The following PIGN variants were observed in gnomAD, a reference collection of about 807,000 sequenced individuals.
PIGN encodes the protein phosphatidylinositol glycan anchor biosynthesis class N.
PIGN carries 117 observed loss-of-function variants against 125.4 expected under a neutral mutation model. The observed-to-expected ratio is 0.93, with a 90% CI of 0.80 to 1.09. The LOEUF (loss-of-function observed/expected upper bound fraction) is 1.09. Among genes scored for constraint, PIGN ranks in the 50% least tolerant of loss-of-function variants. The pLI is 0.00. For synonymous variants in PIGN, 392 were observed against 377.8 expected (o/e 1.04, Z -0.44); for missense variants, 1,075 against 1,094.9 (o/e 0.98, Z 0.26).
rs113310006 is a variant in PIGN, at chr18:62,128,936, G to T, written c.1172+9307C>A. Among the ~76,000 whole-genome samples, 293 of 152,200 alleles carry T rather than the reference G, an allele frequency of 1.9e-3. 1 individual carries two copies. Among genetic ancestry groups the T allele is most frequent in the African/African-American group, 6.5e-3 (268 of 41,532 alleles). ...AAATATTAAAATATAAGTATACAACGATGTTTCATTGGAAATGCAGATCTC... is the reference window on the plus strand; with the variant it reads ...AAATATTAAAATATAAGTATACAACTATGTTTCATTGGAAATGCAGATCTC... On this transcript the variant is annotated intron_variant, in intron 14 of 30. Coordinates refer to ENST00000640252, the MANE Select transcript of PIGN (RefSeq NM_176787.5).
At chr18:62,175,529 G>A (rs996890072) in intron 1 of PIGN, among the ~76,000 whole-genome samples, 2 of 152,024 alleles carry the variant, frequency 1.3e-5, no homozygotes, top group Non-Finnish European at 2.9e-5. Context: ...ATTGTTCCAA[G>A]AGTAATATCC....
At chr18:62,114,704 C>A in intron 14 of PIGN, 65 bp from the exon 15 acceptor site, 1 of 703,254 alleles carries the variant, frequency 1.4e-6, no homozygotes, top group South Asian at 2.9e-5. Context: ...TTCTTTTTTC[C>A]CCTTAATTAA....
chr18:62,038,946 T>C (rs564846785), downstream of PIGN, among the ~76,000 whole-genome samples: 1 of 147,472 alleles, frequency 6.8e-6, no homozygotes, highest in South Asian at 2.2e-4. Context: ...ATAATAATAA[T>C]AATAATAATA....
intron 23 of PIGN, among the ~76,000 whole-genome samples, chr18:62,018,272 C>T (rs1322907772): frequency 5.9e-5 from 9 of 152,128 alleles, no homozygotes; most frequent in Admixed American, 2.0e-4. Flanking sequence ...TGGGAATGGG[C>T]GAGATCAAGT....
intron 30 of PIGN, chr18:62,059,024 A>C (rs978354559): frequency 6.6e-6 from 1 of 151,994 alleles, no homozygotes; most frequent in Non-Finnish European, 1.5e-5. Context: ...CCTGTCTCTA[A>C]AAAATAAAAA....
In PIGN at chr18:62,148,649, G is replaced by C. The variant is rs10164266; in HGVS notation, c.550-311C>G. The stretch of plus-strand genomic sequence containing the variant: ...ACTTAATAAAATACAGCAGATTGAA[G>C]ACATATTTTGGCAAGAGTCAAAAAT... On this transcript the variant is annotated intron_variant, in intron 7 of 30. Coordinates refer to ENST00000640252, the MANE Select transcript of PIGN (RefSeq NM_176787.5). 0.52 allele frequency among the ~76,000 whole-genome samples: 78,931 copies of C among 151,958 alleles called. 22,551 individuals are homozygous for C. The highest frequency in any genetic ancestry group is 0.67 in the East Asian group (3,451 of 5,168).
rs185022348 is a variant in PIGN at position 62,138,989 on chromosome 18, C to G, written c.1110G>C (p.Gln370His). Reference protein sequence around the residue: ...MFTNAVQILEQFKVKMTQKKE... With the variant: ...MFTNAVQILEHFKVKMTQKKE... ...TTTTGAATTTTTTTTTTACCTTGAA[C>G]TGTTCAAGAATCTGTACTGCATTTG... The change falls in exon 13 of 31, where the codon CAG becomes CAC. Residue 370 changes from glutamine to histidine, a missense_variant. Around this residue, in one of 3 missense-constraint regions of PIGN, gnomAD observed 915 missense variants for 908.7 expected, o/e 1.01. Transcript: ENST00000640252. The G allele has an allele frequency of 2.1e-5, 33 of 1,589,630 alleles. No homozygotes were observed. The Admixed American group carries it at 4.4e-4, about 21-fold the overall frequency.
At chr18:62,100,174 T>C (rs1445532133) in intron 22 of PIGN, among the ~76,000 whole-genome samples, 1 of 152,190 alleles carries the variant, frequency 6.6e-6, no homozygotes, top group Non-Finnish European at 1.5e-5. Context: ...TAGACATTTC[T>C]CAAAAGAAGA....
At chr18:62,033,252 G>A (rs534991883) in intron 23 of PIGN, among the ~76,000 whole-genome samples, 9 of 152,234 alleles carry the variant, frequency 5.9e-5, no homozygotes, top group South Asian at 2.1e-4. Flanking sequence ...AAGGTAGAAC[G>A]CTGACAATCA....
In PIGN at chr18:62,101,189, G is replaced by A. The variant is rs2146319671; in HGVS notation, c.1969-6C>T. On this transcript the variant is annotated splice_polypyrimidine_tract_variant and splice_region_variant and intron_variant, in intron 21 of 30. Transcript: ENST00000640252. Reference sequence around the variant, plus strand: ...GAGAGCACTGTGCTCAGCACCTAAAGACAAAGATGAAATAGGTTAAAAAAA... The same window carrying A: ...GAGAGCACTGTGCTCAGCACCTAAAAACAAAGATGAAATAGGTTAAAAAAA... 2 of 1,508,472 alleles carry A rather than the reference G, an allele frequency of 1.3e-6. No homozygotes were observed. Among genetic ancestry groups the A allele is most frequent in the African/African-American group, 1.4e-5 (1 of 73,444 alleles). The allele number at this position is 1,508,472 out of a possible 1,614,324, so 93.4% of individuals were successfully genotyped here. A position where few individuals can be genotyped will look rare whatever the true frequency, so the allele number is the denominator to read the frequency against.
At chr18:62,087,103 AG>A (rs1434094737) in intron 25 of PIGN, among the ~76,000 whole-genome samples, 2 of 152,228 alleles carry the variant, frequency 1.3e-5, no homozygotes, top group African/African-American at 4.8e-5. Context: ...TTGTTTGCAT[AG>A]AAGTGTCTAC....
At chr18:62,083,072 G>T (rs971769087) in intron 27 of PIGN, among the ~76,000 whole-genome samples, 2 of 151,754 alleles carry the variant, frequency 1.3e-5, no homozygotes, top group African/African-American at 2.4e-5. Context: ...ATTCCAAGAG[G>T]GTGTGAAAAG....
At chr18:62,125,189 T>C (rs1351421956) in intron 14 of PIGN, among the ~76,000 whole-genome samples, 1 of 150,744 alleles carries the variant, frequency 6.6e-6, no homozygotes, top group Non-Finnish European at 1.5e-5. Context: ...AATATACACG[T>C]TTGTACATAT....
intron 23 of PIGN, among the ~76,000 whole-genome samples, chr18:62,092,721 T>G (rs919884306): frequency 6.6e-6 from 1 of 151,924 alleles, no homozygotes; most frequent in Non-Finnish European, 1.5e-5. Context: ...AAGAGTAGAG[T>G]TAATACATGA....
Position 62,045,976 on chromosome 18 carries a change from G to A in PIGN, c.2676C>T (p.Ile892=). Residue 892 remains isoleucine, a synonymous_variant, in exon 31 of 31, where the codon ATC becomes ATT. Transcript: ENST00000640252. ...YGSWLDIGTS[I]SHYVIVMSMT... ...TGGACATGACAATCACATAGTGGCT[G>A]ATGCTGCAAAAGGAGAAAAAGATGT... is the stretch of plus-strand genomic sequence containing the variant. 1.9e-6 allele frequency: 3 copies of A among 1,612,206 alleles called. No individual in the cohort carries two copies. The highest frequency in any genetic ancestry group is 2.5e-6 in the Non-Finnish European group (3 of 1,179,018).
At chr18:62,120,288 G>A (rs1045779503) in intron 14 of PIGN, among the ~76,000 whole-genome samples, 2 of 152,132 alleles carry the variant, frequency 1.3e-5, no homozygotes, top group African/African-American at 2.4e-5. Flanking sequence ...ATGATGGAAT[G>A]ACATCCTTAA....
chr18:62,050,103 C>T (rs1318705292), intron 30 of PIGN, among the ~76,000 whole-genome samples: 1 of 151,826 alleles, frequency 6.6e-6, no homozygotes, highest in Non-Finnish European at 1.5e-5. Flanking sequence ...GTTACTGTAG[C>T]CTTGTAGTAT....
chr18:62,034,730 C>T (rs2030235343), intron 23 of PIGN, among the ~76,000 whole-genome samples: 1 of 152,150 alleles, frequency 6.6e-6, no homozygotes. Flanking sequence ...AATATCTGTA[C>T]CCCTACTGTA....
At chr18:62,154,688 A>C (rs777787628) in intron 6 of PIGN, 37 bp from the exon 7 acceptor site, 1 of 957,144 alleles carries the variant, frequency 1.0e-6, no homozygotes, top group Non-Finnish European at 1.7e-6. Context: ...TCTTTTTACA[A>C]AATCTTTTAA....
Sources: gnomAD v4.1 joint callset for allele counts (sites outside exome capture counted in the v4.1 genomes callset) on GRCh38, gnomAD v4.1.1 for gene constraint, gnomAD v4.1.1 regional missense constraint, MANE v1.5 for transcripts, NCBI Gene and HGNC (gene_info 2026-07-23, HGNC 2026-07-21) for gene names.